The following C10orf90 variants were observed in gnomAD, a reference collection of about 807,000 sequenced individuals.
C10orf90 encodes chromosome 10 open reading frame 90.
Under a neutral mutation model 62.5 loss-of-function variants are expected in C10orf90, and 56 were observed. That is an observed-to-expected ratio of 0.90 (90% CI 0.72 to 1.12). The LOEUF (loss-of-function observed/expected upper bound fraction) is 1.12. Among genes scored for constraint, C10orf90 ranks in the 50% most tolerant of loss-of-function variants. The pLI is 0.00. For missense variants in C10orf90, 970 were observed against 880.4 expected (o/e 1.10, Z -1.29); for synonymous variants, 386 against 340.4 (o/e 1.13, Z -1.47).
At position 126,601,599 on chromosome 10, in the gene C10orf90, C is replaced by T. The variant is rs11812119; in HGVS notation, c.313+44966G>A. On this transcript the variant is annotated intron_variant, in intron 2 of 9. Coordinates refer to ENST00000488181, the MANE Select transcript of C10orf90 (RefSeq NM_001350921.2). ...GCCATTTTGGTACATTTATATACAC[C>T]AATTATTTGATTGATACAGCTTTTT... Among the ~76,000 whole-genome samples the T allele has an allele frequency of 9.1e-3, 1,380 of 152,206 alleles. 28 individuals are homozygous for T. The highest frequency in any genetic ancestry group is 0.032 in the African/African-American group (1,329 of 41,518).
intron 2 of C10orf90, among the ~76,000 whole-genome samples, chr10:126,645,526 G>A (rs369428189): frequency 6.6e-6 from 1 of 150,882 alleles, no homozygotes; most frequent in African/African-American, 2.4e-5. Flanking sequence ...GGAGTTCAAA[G>A]CTGCAGTGAG....
chr10:126,557,290 G>A (rs536532626), intron 2 of C10orf90, among the ~76,000 whole-genome samples: 1 of 151,994 alleles, frequency 6.6e-6, no homozygotes, highest in South Asian at 2.1e-4. Flanking sequence ...GACCATCCTG[G>A]CTAACACGGT....
chr10:126,505,163 A>T, intron 3 of C10orf90, 78 bp from the exon 4 acceptor site: 1 of 1,437,040 alleles, frequency 7.0e-7, no homozygotes, highest in Non-Finnish European at 9.3e-7. Flanking sequence ...AAGGGCCACC[A>T]GGATGCCAGA....
intron 4 of C10orf90, among the ~76,000 whole-genome samples, chr10:126,470,749 CAA>C (rs201564373): frequency 3.6e-5 from 3 of 82,392 alleles, no homozygotes; most frequent in Non-Finnish European, 7.6e-5. Context: ...GACTCTGTCT[CAA>C]AAAAAAAAAA....
At chr10:126,459,529 G>A (rs1345873044) in intron 6 of C10orf90, among the ~76,000 whole-genome samples, 1 of 152,194 alleles carries the variant, frequency 6.6e-6, no homozygotes, top group Non-Finnish European at 1.5e-5. Context: ...ACCCTGCTGA[G>A]TCATTTGTTC....
chr10:126,478,834 G>A (rs1861028762), intron 4 of C10orf90, among the ~76,000 whole-genome samples: 1 of 152,164 alleles, frequency 6.6e-6, no homozygotes, highest in Non-Finnish European at 1.5e-5. Flanking sequence ...GGGGAACAGG[G>A]GAGAAGGATA....
intron 2 of C10orf90, among the ~76,000 whole-genome samples, chr10:126,641,778 T>C (rs542621346): frequency 6.6e-6 from 1 of 152,336 alleles, no homozygotes; most frequent in African/African-American, 2.4e-5. Flanking sequence ...ATAGTCACCC[T>C]TCCTACATTT....
At chr10:126,625,405 C>A (rs1244795390) in intron 2 of C10orf90, among the ~76,000 whole-genome samples, 1 of 152,194 alleles carries the variant, frequency 6.6e-6, no homozygotes, top group African/African-American at 2.4e-5. Context: ...ACTTTCCAAG[C>A]TGACTTGACC....
chr10:126,668,599 G>A (rs946344286), intron 1 of C10orf90, among the ~76,000 whole-genome samples: 1 of 152,214 alleles, frequency 6.6e-6, no homozygotes, highest in Admixed American at 6.5e-5. Context: ...AGCAGACCTT[G>A]AAGTTCAGAG....
intron 7 of C10orf90, 135 bp from the exon 8 acceptor site, chr10:126,429,985 G>T: frequency 1.3e-6 from 1 of 755,512 alleles, no homozygotes; most frequent in Non-Finnish European, 2.2e-6. Context: ...GCAGAACTCA[G>T]TAGAGACTGA....
intron 2 of C10orf90, among the ~76,000 whole-genome samples, chr10:126,617,815 A>T (rs550024210): frequency 6.6e-6 from 1 of 152,178 alleles, no homozygotes; most frequent in African/African-American, 2.4e-5. Context: ...CATGAGCTCT[A>T]CCTCTGTCCT....
chr10:126,464,295 G>A (rs1195230533), intron 5 of C10orf90, among the ~76,000 whole-genome samples: 3 of 152,126 alleles, frequency 2.0e-5, no homozygotes, highest in South Asian at 2.1e-4. Context: ...TGGAAGCCCC[G>A]TGCCTTAGTC....
intron 2 of C10orf90, among the ~76,000 whole-genome samples, chr10:126,643,037 C>A (rs537295167): frequency 4.7e-4 from 71 of 152,306 alleles, no homozygotes; most frequent in African/African-American, 1.6e-3. Context: ...TCCACCTAAA[C>A]CCACATTACC....
intron 2 of C10orf90, among the ~76,000 whole-genome samples, chr10:126,589,263 A>G (rs1205711038): frequency 2.0e-5 from 3 of 152,206 alleles, no homozygotes; most frequent in Non-Finnish European, 4.4e-5. Flanking sequence ...GGGAGAACAG[A>G]ACCAAGTTGG....
At chr10:126,496,933 G>A (rs1862093779) in intron 4 of C10orf90, among the ~76,000 whole-genome samples, 1 of 152,230 alleles carries the variant, frequency 6.6e-6, no homozygotes, top group African/African-American at 2.4e-5. Context: ...GTCCAGGAAT[G>A]TGCAGTGTGC....
At chr10:126,604,565 C>T (rs183282708) in intron 2 of C10orf90, among the ~76,000 whole-genome samples, 42 of 152,272 alleles carry the variant, frequency 2.8e-4, no homozygotes, top group African/African-American at 9.9e-4. Context: ...CAAATGTGGA[C>T]GTGGTCTCTT....
chr10:126,640,572 C>T (rs528323140), intron 2 of C10orf90, among the ~76,000 whole-genome samples: 6 of 152,306 alleles, frequency 3.9e-5, no homozygotes, highest in Admixed American at 1.3e-4. Context: ...AGCAAGGTCA[C>T]GTGAAAGGAT....
At chr10:126,542,974 A>T (rs1864411532) in intron 2 of C10orf90, among the ~76,000 whole-genome samples, 1 of 152,188 alleles carries the variant, frequency 6.6e-6, no homozygotes, top group South Asian at 2.1e-4. Context: ...AAATTTAAAA[A>T]TTTTAAAAAC....
At chr10:126,534,167 C>T (rs929838033) in intron 2 of C10orf90, among the ~76,000 whole-genome samples, 1 of 152,230 alleles carries the variant, frequency 6.6e-6, no homozygotes, top group African/African-American at 2.4e-5. Flanking sequence ...TCCTCGAGAA[C>T]CCTCTGCATT....
Sources: allele counts gnomAD v4.1 joint callset (sites outside exome capture counted in the v4.1 genomes callset), GRCh38; gene constraint gnomAD v4.1.1; transcripts MANE v1.5; gene names NCBI Gene and HGNC (gene_info 2026-07-23, HGNC 2026-07-21).